The following SLC16A10 variants were observed in gnomAD, a reference collection of about 807,000 sequenced individuals.
SLC16A10 encodes solute carrier family 16 member 10.
Under a neutral mutation model 40.0 loss-of-function variants are expected in SLC16A10, and 27 were observed. That is an observed-to-expected ratio of 0.67 (90% confidence interval 0.50 to 0.93). SLC16A10 has a LOEUF of 0.93. Among genes scored for constraint, SLC16A10 ranks in the 40% least tolerant of loss-of-function variants. The pLI, the probability that SLC16A10 is intolerant of heterozygous loss-of-function variation, is 0.00. For synonymous variants in SLC16A10, 213 were observed against 249.8 expected (o/e 0.85, Z 1.39); for missense variants, 529 against 658.2 (o/e 0.80, Z 2.15).
intron 1 of SLC16A10, among the ~76,000 whole-genome samples, chr6:111,123,397 A>T (rs921703240): frequency 1.3e-5 from 2 of 152,152 alleles, no homozygotes; most frequent in Non-Finnish European, 2.9e-5. Flanking sequence ...TTACTGAATC[A>T]ATTATTTATT....
Position 111,177,644 on chromosome 6 carries a change from C to G in SLC16A10, c.921C>G (p.Tyr307Ter). 6.4e-7 allele frequency: 1 copy of G among 1,558,740 alleles called. No homozygotes were observed. Among genetic ancestry groups the G allele is most frequent in the Non-Finnish European group, 8.7e-7 (1 of 1,153,518 alleles). Reference protein sequence around the residue: ...AVGIPLALFGYFVPYVHLMKH... With the variant: ...AVGIPLALFG ...GAATACCACTTGCACTTTTTGGATA[C>G]TTTGTGCCTTATGTTCACTTGGTGA... Residue 307 changes from tyrosine (Y) to a stop codon, truncating the protein, a stop_gained, in exon 3 of 6, where the codon TAC (tyrosine) becomes TAG (stop). Coordinates refer to ENST00000368851, the MANE Select transcript of SLC16A10 (RefSeq NM_018593.5). LOFTEE classifies it high-confidence loss of function.
intron 1 of SLC16A10, among the ~76,000 whole-genome samples, chr6:111,108,473 G>A (rs747727479): frequency 1.3e-5 from 2 of 152,166 alleles, no homozygotes; most frequent in Non-Finnish European, 2.9e-5. Context: ...TTTAGAGATG[G>A]ACTAATGGCT....
intron 1 of SLC16A10, among the ~76,000 whole-genome samples, chr6:111,100,249 C>A (rs115751602): frequency 8.5e-5 from 13 of 152,196 alleles, no homozygotes; most frequent in African/African-American, 3.1e-4. Context: ...CTCAATAGAT[C>A]TGAAGCCTGA....
chr6:111,178,191 G>C (rs12213248), intron 3 of SLC16A10, among the ~76,000 whole-genome samples: 15,451 of 152,160 alleles, frequency 0.1, 1,037 homozygotes, highest in Middle Eastern at 0.17. Flanking sequence ...TCAACCGAAG[G>C]GTGTAGGTAA....
rs547871749 is a variant in SLC16A10 at position 111,202,522 on chromosome 6, A to G, written c.943-4070A>G. On this transcript the variant is annotated intron_variant, in intron 3 of 5. Transcript: ENST00000368851. ...GGCACAGTCAGTGTTGAAGATGTCA[A>G]TTAGCAAGGTTTTTTTAATCCCCTG... Among the ~76,000 whole-genome samples the G allele has an allele frequency of 5.3e-5, 8 of 152,194 alleles. No individual in the cohort carries two copies. In the South Asian group the frequency reaches 1.2e-3, roughly 24 times the overall value.
At chr6:111,152,846 T>C (rs909544749) in intron 1 of SLC16A10, among the ~76,000 whole-genome samples, 3 of 152,236 alleles carry the variant, frequency 2.0e-5, no homozygotes, top group African/African-American at 7.2e-5. Context: ...TTCAATCATT[T>C]GATACTTTTT....
chr6:111,206,371 C>A (rs1773255384), intron 3 of SLC16A10, among the ~76,000 whole-genome samples: 1 of 152,054 alleles, frequency 6.6e-6, no homozygotes, highest in Non-Finnish European at 1.5e-5. Context: ...GCCACCATGC[C>A]CGGCCTTAAA....
intron 3 of SLC16A10, chr6:111,193,414 T>C: frequency 1.7e-5 from 11 of 663,692 alleles, no homozygotes; most frequent in Non-Finnish European, 1.9e-5. Flanking sequence ...GATCTTTATT[T>C]ATCTGACCAC....
intron 1 of SLC16A10, among the ~76,000 whole-genome samples, chr6:111,109,001 G>A (rs565350922): frequency 2.9e-3 from 440 of 152,200 alleles, no homozygotes; most frequent in Non-Finnish European, 5.2e-3. Context: ...GAAAAGAAAC[G>A]TAGATTTAAA....
At chr6:111,153,878 A>G (rs1258194812) in intron 1 of SLC16A10, among the ~76,000 whole-genome samples, 3 of 152,234 alleles carry the variant, frequency 2.0e-5, no homozygotes, top group Non-Finnish European at 4.4e-5. Context: ...ATTATTGGTT[A>G]TGATTTTAAA....
chr6:111,113,451 CA>C lies in SLC16A10; in HGVS notation c.343+25357del, dbSNP rs1367995243. 5.6e-4 allele frequency among the ~76,000 whole-genome samples: 86 copies of C among 152,282 alleles called. No individual in the cohort carries two copies. In the South Asian group the frequency reaches 6.0e-3, roughly 11 times the overall value. ...CATGGAAAGGGGAAGAAGAAGCTATCAGGAGCTCTGGGGTTTTTTTTGTTGT... is the reference window on the plus strand; with the variant it reads ...CATGGAAAGGGGAAGAAGAAGCTATCGGAGCTCTGGGGTTTTTTTTGTTGT... On this transcript the variant is annotated intron_variant, in intron 1 of 5. Coordinates refer to ENST00000368851, the MANE Select transcript of SLC16A10 (RefSeq NM_018593.5).
intron 1 of SLC16A10, among the ~76,000 whole-genome samples, chr6:111,159,027 C>T (rs765709348): frequency 4.6e-5 from 6 of 131,654 alleles, no homozygotes; most frequent in Non-Finnish European, 6.2e-5. Flanking sequence ...GTGATCCTGC[C>T]ACTACACTCC....
At chr6:111,089,935 TTTTTTTTTTTTG>T in intron 1 of SLC16A10, among the ~76,000 whole-genome samples, 1 of 122,090 alleles carries the variant, frequency 8.2e-6, no homozygotes, top group Admixed American at 8.1e-5. Flanking sequence ...TTTTTTTTTT[TTTTTTTTTTTTG>T]AGAGAGAGAG....
chr6:111,156,385 C>T (rs1772270792), intron 1 of SLC16A10, among the ~76,000 whole-genome samples: 1 of 152,184 alleles, frequency 6.6e-6, no homozygotes, highest in Admixed American at 6.5e-5. Context: ...CAAACTCTGT[C>T]CCACCCAGAT....
In SLC16A10 at chr6:111,225,764, G is replaced by A. The variant is rs975216768; in HGVS notation, c.*3529G>A. ...TCGGGGAGGGGGAAGGCAACCTATA[G>A]CATGGGTGGCTCTGAGGAGTTCCTG... On this transcript the variant is annotated 3_prime_UTR_variant, in exon 6 of 6. Coordinates refer to ENST00000368851, the MANE Select transcript of SLC16A10 (RefSeq NM_018593.5). The A allele has an allele frequency of 2.0e-5, 3 of 152,096 alleles. No homozygotes were observed. Among genetic ancestry groups the A allele is most frequent in the Admixed American group, 2.0e-4 (3 of 15,254 alleles). The allele number at this position is 152,096 out of a possible 1,614,324, so 9.4% of individuals were successfully genotyped here.
chr6:111,166,407 T>A (rs1272860858), intron 1 of SLC16A10, among the ~76,000 whole-genome samples: 1 of 125,228 alleles, frequency 8.0e-6, no homozygotes. Context: ...AATAGTTATC[T>A]GTAGTAGGGT....
intron 1 of SLC16A10, among the ~76,000 whole-genome samples, chr6:111,100,501 G>A (rs1014452723): frequency 2.6e-5 from 4 of 151,904 alleles, no homozygotes; most frequent in Admixed American, 2.0e-4. Flanking sequence ...CGATTCTCCT[G>A]CTTCAGCTTC....
intron 1 of SLC16A10, among the ~76,000 whole-genome samples, chr6:111,158,485 G>A (rs1772312830): frequency 2.0e-5 from 3 of 152,100 alleles, no homozygotes; most frequent in Admixed American, 1.3e-4. Flanking sequence ...TCCCCTGCAT[G>A]CACAGTTCAC....
chr6:111,180,193 A>G (rs769384792), intron 3 of SLC16A10, among the ~76,000 whole-genome samples: 4 of 152,222 alleles, frequency 2.6e-5, no homozygotes, highest in African/African-American at 7.2e-5. Context: ...ACAATGCAGT[A>G]CCTGTGGTGT....
Sources: gnomAD v4.1 joint callset for allele counts (sites outside exome capture counted in the v4.1 genomes callset) on GRCh38, gnomAD v4.1.1 for gene constraint, MANE v1.5 for transcripts, NCBI Gene and HGNC (gene_info 2026-07-23, HGNC 2026-07-21) for gene names.